The following FMO3 variants were observed in gnomAD, a reference collection of about 807,000 sequenced individuals.
FMO3 encodes the protein flavin containing dimethylaniline monoxygenase 3.
A neutral mutation model predicts 39.4 loss-of-function variants in FMO3; 40 were observed. The ratio of observed to expected loss-of-function variants is 1.02; its 90% CI spans 0.79 to 1.32. The LOEUF is 1.32. FMO3 is among the 40% of genes most tolerant of loss of function. The pLI, the probability that FMO3 is intolerant of heterozygous loss-of-function variation, is 0.00. For missense variants in FMO3, 680 were observed against 651.8 expected, an observed-to-expected ratio of 1.04 and a Z score of -0.47; for synonymous variants, 219 against 228.8, an observed-to-expected ratio of 0.96 and a Z score of 0.39.
intron 2 of FMO3, among the ~76,000 whole-genome samples, chr1:171,102,843 T>C (rs537349957): frequency 6.6e-6 from 1 of 152,316 alleles, no homozygotes; most frequent in East Asian, 1.9e-4. Context: ...TATAATTCCT[T>C]AGAGTTAAAG....
rs749268290 is a variant in FMO3 at position 171,114,138 on chromosome 1, A to T, written c.959A>T (p.Glu320Val). Reference sequence around the variant, plus strand: ...ATTTTTGAGGATGGGACCATATTTGAGGGCATTGACTGTGTAATCTTTGCA... The same window carrying T: ...ATTTTTGAGGATGGGACCATATTTGTGGGCATTGACTGTGTAATCTTTGCA... ...SAIFEDGTIF[E>V]GIDCVIFATG... is the part of the protein sequence containing the mutation. The change falls in exon 7 of 9, where the codon GAG becomes GTG. Residue 320 changes from glutamate (E) to valine (V), a missense_variant. Coordinates refer to ENST00000367755, the MANE Select transcript of FMO3 (RefSeq NM_001002294.3). The T allele has an allele frequency of 6.2e-6, 10 of 1,613,896 alleles. No homozygotes were observed. The African/African-American group carries it at 1.3e-4, about 22-fold the overall frequency.
chr1:171,113,451 C>T (rs1490250504), intron 6 of FMO3, among the ~76,000 whole-genome samples: 6 of 152,108 alleles, frequency 3.9e-5, no homozygotes, highest in African/African-American at 1.4e-4. Context: ...TTGGTCTTCT[C>T]CACAGTATGA....
At chr1:171,095,455 G>A (rs774457260) in intron 2 of FMO3, among the ~76,000 whole-genome samples, 2 of 151,846 alleles carry the variant, frequency 1.3e-5, no homozygotes, top group Non-Finnish European at 2.9e-5. Context: ...TATTGCCTGA[G>A]TCTTATTTTT....
At chr1:171,093,704 C>A (rs1231757084) in intron 2 of FMO3, among the ~76,000 whole-genome samples, 1 of 151,706 alleles carries the variant, frequency 6.6e-6, no homozygotes. Context: ...TAGATATCTA[C>A]TAGGGGCATT....
chr1:171,116,174 A>AT lies in FMO3; in HGVS notation c.1184-32dup, dbSNP rs397820586. 364,729 of 1,366,638 alleles carry AT rather than the reference A, an allele frequency of 0.27. 51,590 individuals are homozygous for AT. The highest frequency in any genetic ancestry group is 0.44 in the African/African-American group (30,849 of 69,886). The allele number at this position is 1,366,638 out of a possible 1,614,324, so 84.7% of individuals were successfully genotyped here. A position where few individuals can be genotyped will look rare whatever the true frequency, so the allele number is the denominator to read the frequency against. On this transcript the variant is annotated intron_variant, in intron 7 of 8. Transcript: ENST00000367755. ...TACAGGCTGGTCCTATGCCAGACTC[A>AT]TTAATTACCATCGTGTCTTTCCTTC...
At chr1:171,093,430 C>A (rs988592121) in intron 2 of FMO3, among the ~76,000 whole-genome samples, 5 of 151,676 alleles carry the variant, frequency 3.3e-5, no homozygotes, top group African/African-American at 1.2e-4. Context: ...CCTCCAGTCC[C>A]ATCCATGTTG....
rs1655707981 is a variant in FMO3, at chr1:171,107,726, T to G, written c.373T>G (p.Trp125Gly). ...KHPDFATTGQ[W>G]DVTTERDGKK... ...TCCTGATTTTGCAACTACTGGCCAG[T>G]GGGATGTTACCACTGAAAGGGATGG... Residue 125 changes from tryptophan to glycine, a missense_variant, in exon 4 of 9, where the codon TGG (tryptophan) becomes GGG (glycine). Transcript: ENST00000367755. The G allele has an allele frequency of 6.2e-7, 1 of 1,613,266 alleles. No homozygotes were observed. The highest frequency in any genetic ancestry group is 1.3e-5 in the African/African-American group (1 of 74,878).
intron 3 of FMO3, among the ~76,000 whole-genome samples, chr1:171,107,001 T>C (rs905115162): frequency 5.3e-5 from 8 of 152,218 alleles, no homozygotes; most frequent in Non-Finnish European, 1.2e-4. Context: ...TATTTTCTTA[T>C]ATGTATGAAA....
Position 171,092,719 on chromosome 1 carries a change from T to C in FMO3, c.61T>C (p.Cys21Arg), listed in dbSNP as rs1236347849. ...GAGTGGCTTGGCCTCCATCAGGAGC[T>C]GTCTGGAAGAGGGGCTGGAGCCCAC... ...GVSGLASIRS[C>R]LEEGLEPTCF... Residue 21 changes from cysteine to arginine, a missense_variant, in exon 2 of 9, where the codon TGT (cysteine) becomes CGT (arginine). Transcript: ENST00000367755. 15 of 1,614,006 alleles carry C rather than the reference T, an allele frequency of 9.3e-6. No individual in the cohort carries two copies. The highest frequency in any genetic ancestry group is 1.3e-5 in the Non-Finnish European group (15 of 1,180,006).
chr1:171,112,624 C>A (rs1655962947), intron 6 of FMO3, among the ~76,000 whole-genome samples: 1 of 152,096 alleles, frequency 6.6e-6, no homozygotes, highest in Non-Finnish European at 1.5e-5. Flanking sequence ...GCAGGAGGAA[C>A]AGAAGTTCAG....
intron 7 of FMO3, 103 bp from the exon 8 acceptor site, chr1:171,116,105 C>A (rs1656136473): frequency 2.7e-6 from 2 of 744,838 alleles, no homozygotes; most frequent in Admixed American, 2.0e-5. Context: ...TGAAAATGAA[C>A]ACCAATTAAT....
At chr1:171,109,877 CA>C (rs1655828308) in intron 5 of FMO3, among the ~76,000 whole-genome samples, 1 of 151,978 alleles carries the variant, frequency 6.6e-6, no homozygotes, top group South Asian at 2.1e-4. Context: ...CCTCTTATAA[CA>C]AATGCCTTGA....
chr1:171,116,077 C>A, intron 7 of FMO3, 131 bp from the exon 8 acceptor site: 2 of 668,492 alleles, frequency 3.0e-6, no homozygotes, highest in South Asian at 3.5e-5. Context: ...AAGACTAGAA[C>A]TGAATTTGGT....
chr1:171,108,607 C>G (rs1246339079), intron 5 of FMO3, among the ~76,000 whole-genome samples: 2 of 152,252 alleles, frequency 1.3e-5, no homozygotes, highest in Middle Eastern at 3.4e-3. Context: ...TACTTCTGGG[C>G]TTGTTATAAA....
intron 2 of FMO3, chr1:171,101,044 T>A (rs1394783683): frequency 2.2e-6 from 1 of 448,788 alleles, no homozygotes; most frequent in Non-Finnish European, 4.5e-6. Context: ...AGAGAGAAAT[T>A]TGAAGATGCT....
At chr1:171,116,502 T>C (rs903356485) in intron 8 of FMO3, among the ~76,000 whole-genome samples, 2 of 152,214 alleles carry the variant, frequency 1.3e-5, no homozygotes, top group Non-Finnish European at 2.9e-5. Flanking sequence ...AATAATAGGA[T>C]TGAGAATCTA....
At chr1:171,095,111 G>A (rs1654892348) in intron 2 of FMO3, among the ~76,000 whole-genome samples, 1 of 151,978 alleles carries the variant, frequency 6.6e-6, no homozygotes, top group Non-Finnish European at 1.5e-5. Flanking sequence ...ATGTTTTGTG[G>A]TTTTCCCCAA....
intron 1 of FMO3, 104 bp downstream of exon 1, chr1:171,091,085 G>A (rs1654679032): frequency 6.6e-6 from 1 of 152,194 alleles, no homozygotes; most frequent in Non-Finnish European, 1.5e-5. Flanking sequence ...AATTAGCCAG[G>A]CGTAGTGGTG....
Position 171,107,804 on chromosome 1 carries a change from G to C in FMO3, c.451G>C (p.Val151Leu), listed in dbSNP as rs1655715174. 10 of 1,613,960 alleles carry C rather than the reference G, an allele frequency of 6.2e-6. No homozygotes were observed. The highest frequency in any genetic ancestry group is 8.5e-6 in the Non-Finnish European group (10 of 1,179,912). Reference sequence around the variant, plus strand: ...TGTAATGGTTTGTTCCGGACATCATGTGTATCCCAACCTACCAAAAGAGTC... The same window carrying C: ...TGTAATGGTTTGTTCCGGACATCATCTGTATCCCAACCTACCAAAAGAGTC... ...DAVMVCSGHHVYPNLPKESFP... is the reference protein window; with the variant it reads ...DAVMVCSGHHLYPNLPKESFP... Residue 151 changes from valine (V) to leucine (L), a missense_variant, in exon 4 of 9, where the codon GTG becomes CTG. Coordinates refer to ENST00000367755, the MANE Select transcript of FMO3 (RefSeq NM_001002294.3).
Sources: gnomAD v4.1 joint callset for allele counts (sites outside exome capture counted in the v4.1 genomes callset) on GRCh38, gnomAD v4.1.1 for gene constraint, MANE v1.5 for transcripts, NCBI Gene and HGNC (gene_info 2026-07-23, HGNC 2026-07-21) for gene names.